Variants in CSGALNACT1 observed in about 807,000 individuals in gnomAD.
CSGALNACT1 encodes the protein beta4GalNAcT-1.
Under a neutral mutation model 51.0 loss-of-function variants are expected in CSGALNACT1, and 52 were observed. The ratio of observed to expected loss-of-function variants is 1.02; its 90% confidence interval spans 0.82 to 1.29. The LOEUF is 1.29. Among genes scored for constraint, CSGALNACT1 ranks in the 50% most tolerant of loss-of-function variants. The probability of loss-of-function intolerance (pLI) is 0.00; values close to 1 mark genes in which losing one functional copy is unlikely to be tolerated. For synonymous variants in CSGALNACT1, 341 were observed against 254.4 expected (o/e 1.34, Z -3.24); for missense variants, 935 against 679.2 (o/e 1.38, Z -4.19).
chr8:19,615,582 C>T (rs1183400514), intron 1 of CSGALNACT1, among the ~76,000 whole-genome samples: 1 of 152,066 alleles, frequency 6.6e-6, no homozygotes, highest in Non-Finnish European at 1.5e-5. Context: ...TTATAAGAAA[C>T]ATTTAAAGTA....
At chr8:19,619,203 T>G (rs2053486325) in intron 1 of CSGALNACT1, among the ~76,000 whole-genome samples, 1 of 126,728 alleles carries the variant, frequency 7.9e-6, no homozygotes, top group Non-Finnish European at 1.6e-5. Flanking sequence ...GGAGTGCAGG[T>G]GAGGTAAGAA....
intron 2 of CSGALNACT1, among the ~76,000 whole-genome samples, chr8:19,598,323 G>A (rs1039093024): frequency 5.9e-5 from 9 of 152,270 alleles, no homozygotes; most frequent in African/African-American, 2.2e-4. Flanking sequence ...AAAACCAATG[G>A]TGGCCCAGGA....
chr8:19,568,892 G>T (rs1187974243), intron 3 of CSGALNACT1, among the ~76,000 whole-genome samples: 1 of 152,156 alleles, frequency 6.6e-6, no homozygotes, highest in African/African-American at 2.4e-5. Context: ...TTCTCCCTTA[G>T]CCTCAACAGA....
intron 1 of CSGALNACT1, among the ~76,000 whole-genome samples, chr8:19,755,236 G>C (rs1307094935): frequency 1.3e-5 from 2 of 152,000 alleles, no homozygotes; most frequent in South Asian, 4.2e-4. Context: ...TATGAACTTA[G>C]GATGGATTCT....
intron 3 of CSGALNACT1, among the ~76,000 whole-genome samples, chr8:19,541,246 A>ATTTTTTTTTTTTTTTTTTT (rs34749639): frequency 9.0e-6 from 1 of 111,322 alleles, no homozygotes; most frequent in Non-Finnish European, 1.8e-5. Flanking sequence ...AACTTGGCTA[A>ATTTTTTTTTTTTTTTTTTT]TTTTTTTTTT....
At chr8:19,412,093 A>C (rs1407871777) in intron 8 of CSGALNACT1, among the ~76,000 whole-genome samples, 1 of 152,090 alleles carries the variant, frequency 6.6e-6, no homozygotes, top group East Asian at 1.9e-4. Flanking sequence ...TCAGCCTCCT[A>C]AAGTGCTGGG....
At chr8:19,664,355 G>T (rs921081650) in intron 1 of CSGALNACT1, among the ~76,000 whole-genome samples, 1 of 152,174 alleles carries the variant, frequency 6.6e-6, no homozygotes, top group Non-Finnish European at 1.5e-5. Flanking sequence ...GCGAGGAGGT[G>T]CAGAAAAGGC....
intron 4 of CSGALNACT1, among the ~76,000 whole-genome samples, chr8:19,468,427 CA>C (rs1586683546): frequency 6.6e-6 from 1 of 152,116 alleles, no homozygotes; most frequent in East Asian, 1.9e-4. Flanking sequence ...AAGTCACCTT[CA>C]CAGGTGCAAA....
chr8:19,717,013 G>A (rs941423120), intron 1 of CSGALNACT1, among the ~76,000 whole-genome samples: 1 of 152,198 alleles, frequency 6.6e-6, no homozygotes, highest in Non-Finnish European at 1.5e-5. Flanking sequence ...AAACTTCTAA[G>A]CCTTAGTGGG....
At chr8:19,488,779 T>G (rs1406821032) in intron 4 of CSGALNACT1, among the ~76,000 whole-genome samples, 1 of 152,164 alleles carries the variant, frequency 6.6e-6, no homozygotes, top group Non-Finnish European at 1.5e-5. Context: ...AATGTCAGTT[T>G]CACAGAGAAA....
At chr8:19,516,095 A>G (rs2079475158) in intron 3 of CSGALNACT1, among the ~76,000 whole-genome samples, 1 of 152,138 alleles carries the variant, frequency 6.6e-6, no homozygotes, top group Admixed American at 6.6e-5. Flanking sequence ...ACCGCATGAA[A>G]CCAGCCTTCC....
chr8:19,487,332 G>T (rs568560157), intron 4 of CSGALNACT1, among the ~76,000 whole-genome samples: 1 of 152,062 alleles, frequency 6.6e-6, no homozygotes, highest in Middle Eastern at 3.2e-3. Context: ...ATAAAATGTC[G>T]TCTTTCTCTT....
At chr8:19,755,456 C>CAAAAAAAAAAAGAAAAAAAAAA (rs2065300710) in intron 1 of CSGALNACT1, among the ~76,000 whole-genome samples, 1 of 74,532 alleles carries the variant, frequency 1.3e-5, no homozygotes, top group Non-Finnish European at 2.5e-5. Context: ...TAAAGAAAGA[C>CAAAAAAAAAAAGAAAAAAAAAA]AAAAAAAAAA....
intron 1 of CSGALNACT1, among the ~76,000 whole-genome samples, chr8:19,701,460 G>A (rs1335592208): frequency 1.3e-5 from 2 of 151,888 alleles, no homozygotes; most frequent in African/African-American, 4.8e-5. Flanking sequence ...AGCCTACTCT[G>A]ATATCTTAAG....
At chr8:19,676,444 A>G (rs931256509) in intron 1 of CSGALNACT1, among the ~76,000 whole-genome samples, 9 of 152,260 alleles carry the variant, frequency 5.9e-5, no homozygotes, top group Non-Finnish European at 1.0e-4. Flanking sequence ...AAATTCACGG[A>G]ATCGTCTTGA....
rs922866250 is a variant in CSGALNACT1, at chr8:19,509,211, C to T, written c.-296-3081G>A. 2.0e-5 allele frequency among the ~76,000 whole-genome samples: 3 copies of T among 152,312 alleles called. No individual in the cohort carries two copies. In the South Asian group the frequency reaches 6.2e-4, roughly 32 times the overall value. On this transcript the variant is annotated intron_variant, in intron 3 of 9. Coordinates refer to ENST00000454498, the Ensembl canonical transcript of CSGALNACT1. ...ATCAAACGCTTAAAAACTGGTTATACTGAAGAGGCTGGGAGTATCTGCTTC... is the reference window on the plus strand; with the variant it reads ...ATCAAACGCTTAAAAACTGGTTATATTGAAGAGGCTGGGAGTATCTGCTTC...
chr8:19,465,914 C>T (rs560588112), intron 4 of CSGALNACT1, among the ~76,000 whole-genome samples: 1 of 152,156 alleles, frequency 6.6e-6, no homozygotes, highest in Non-Finnish European at 1.5e-5. Context: ...TAACTCAGCA[C>T]ATAGAAAAGA....
intron 5 of CSGALNACT1, chr8:19,457,384 G>A (rs1316530107): frequency 8.6e-6 from 3 of 347,424 alleles, no homozygotes; most frequent in African/African-American, 6.4e-5. Context: ...AGGCCGAGGT[G>A]AGCAGATCAC....
intron 8 of CSGALNACT1, among the ~76,000 whole-genome samples, chr8:19,410,402 T>G (rs1221256056): frequency 6.6e-6 from 1 of 152,238 alleles, no homozygotes; most frequent in African/African-American, 2.4e-5. Context: ...GTACATGGTT[T>G]CCATTGCAGC....
Sources: gnomAD v4.1 joint callset for allele counts (sites outside exome capture counted in the v4.1 genomes callset) on GRCh38, gnomAD v4.1.1 for gene constraint, MANE v1.5 for transcripts, NCBI Gene and HGNC (gene_info 2026-07-23, HGNC 2026-07-21) for gene names.